FAM228B: variants seen among roughly 807,000 people sequenced by gnomAD.
FAM228B encodes the protein family with sequence similarity 228 member B.
Under a neutral mutation model 42.6 loss-of-function variants are expected in FAM228B, and 38 were observed. That is an observed-to-expected ratio of 0.89 (90% CI 0.69 to 1.17). FAM228B has a LOEUF of 1.17. Among genes scored for constraint, FAM228B ranks in the 50% most tolerant of loss-of-function variants. The pLI is 0.00. For synonymous variants in FAM228B, 109 were observed against 122.3 expected, an observed-to-expected ratio of 0.89 and a Z score of 0.72; for missense variants, 344 against 367.3, an observed-to-expected ratio of 0.94 and a Z score of 0.52.
At chr2:24,078,250 T>G (rs1440962657) in intron 1 of FAM228B, among the ~76,000 whole-genome samples, 1 of 152,196 alleles carries the variant, frequency 6.6e-6, no homozygotes, top group Non-Finnish European at 1.5e-5. Context: ...AGATTTTGTC[T>G]TATTTCTTCT....
chr2:24,096,650 A>G (rs1256052921), intron 3 of FAM228B: 4 of 152,240 alleles, frequency 2.6e-5, no homozygotes, highest in African/African-American at 9.6e-5. Context: ...GACCAAATCT[A>G]TGTTTGATTG....
chr2:24,148,804 A>G (rs1666955013), intron 7 of FAM228B, among the ~76,000 whole-genome samples: 1 of 152,174 alleles, frequency 6.6e-6, no homozygotes, highest in Non-Finnish European at 1.5e-5. Flanking sequence ...GTGCTATCAT[A>G]TACGAGGTCT....
intron 3 of FAM228B, among the ~76,000 whole-genome samples, chr2:24,118,406 C>T (rs988644071): frequency 6.6e-6 from 1 of 152,220 alleles, no homozygotes; most frequent in African/African-American, 2.4e-5. Flanking sequence ...TCTCTGGCGC[C>T]TTCCCTGACT....
rs531519795 is a variant in FAM228B, at chr2:24,102,597, G to A, written c.-121+7368G>A. ...TATTAGAAGTACAAAAATTAGCTGG[G>A]TATGGTGGCAGGTGCCTGTAGTCCC... On this transcript the variant is annotated intron_variant, in intron 3 of 10. Transcript: ENST00000613899. 8.5e-5 allele frequency among the ~76,000 whole-genome samples: 13 copies of A among 152,286 alleles called. No homozygotes were observed. In the South Asian group the frequency reaches 2.3e-3, roughly 27 times the overall value.
chr2:24,122,110 T>A (rs1666136029), upstream of FAM228B, among the ~76,000 whole-genome samples: 1 of 152,118 alleles, frequency 6.6e-6, no homozygotes, highest in Admixed American at 6.5e-5. Flanking sequence ...GGCAGGTGGA[T>A]CACCTGAGGT....
chr2:24,077,632 A>G lies in FAM228B; in HGVS notation c.-290+663A>G. 1.2e-6 allele frequency: 2 copies of G among 1,613,692 alleles called. No individual in the cohort carries two copies. The highest frequency in any genetic ancestry group is 1.7e-6 in the Non-Finnish European group (2 of 1,179,810). On this transcript the variant is annotated intron_variant, in intron 1 of 10. Coordinates refer to the FAM228B transcript ENST00000613899. The surrounding 1 kb of genome is among the most constrained non-coding windows in gnomAD (Gnocchi z 5.5). ...CCTATGTTCTTGTTGGCCTCCATGT[A>G]CTTATGGGCCTCCTGGATTTCGGTC...
chr2:24,095,995 G>A lies in FAM228B; in HGVS notation c.-121+766G>A, dbSNP rs1254625342. ...GGTGATACCCAGGAAAACAGGGTCT[G>A]GGGTGGACCTCCAGCAAACTCCAAC... On this transcript the variant is annotated intron_variant, in intron 3 of 10. Coordinates refer to the FAM228B transcript ENST00000613899. This position sits in a 1 kb window ranked among gnomAD's most constrained non-coding sequence, Gnocchi z 4.8. The A allele has an allele frequency of 6.6e-6, 1 of 152,388 alleles. No homozygotes were observed. Among genetic ancestry groups the A allele is most frequent in the Non-Finnish European group, 1.5e-5 (1 of 68,180 alleles). The allele number at this position is 152,388 out of a possible 1,614,324, so 9.4% of individuals were successfully genotyped here.
chr2:24,096,173 G>A (rs1043631818), intron 3 of FAM228B: 6 of 152,176 alleles, frequency 3.9e-5, no homozygotes, highest in Non-Finnish European at 8.8e-5. Context: ...CAAAGATGGG[G>A]AGAAACCAGA....
At chr2:24,140,313 A>G (rs1426376238) in intron 5 of FAM228B, among the ~76,000 whole-genome samples, 1 of 152,126 alleles carries the variant, frequency 6.6e-6, no homozygotes, top group Non-Finnish European at 1.5e-5. Context: ...AGTAGCTGTG[A>G]TTACAGGCGT....
At chr2:24,119,662 G>C, upstream of FAM228B, 1 of 1,611,630 alleles carries the variant, frequency 6.2e-7, no homozygotes, top group Middle Eastern at 1.7e-4. Flanking sequence ...GGGTCTTCAC[G>C]ACAACCACAC....
At chr2:24,111,226 A>G (rs911094296) in intron 3 of FAM228B, among the ~76,000 whole-genome samples, 2 of 152,032 alleles carry the variant, frequency 1.3e-5, no homozygotes, top group African/African-American at 4.8e-5. Context: ...ATGCCCAGCT[A>G]TTTTTGCATT....
At chr2:24,098,743 A>C (rs570245922) in intron 3 of FAM228B, among the ~76,000 whole-genome samples, 1 of 152,246 alleles carries the variant, frequency 6.6e-6, no homozygotes, top group Non-Finnish European at 1.5e-5. Context: ...AACTATTCCA[A>C]TCAATAGAAA....
rs1261610017 is a variant in FAM228B, at chr2:24,084,189, C to T, written c.-210+3234C>T. On this transcript the variant is annotated intron_variant, in intron 2 of 10. Coordinates refer to the FAM228B transcript ENST00000613899. The surrounding 1 kb of genome is among the most constrained non-coding windows in gnomAD (Gnocchi z 8.4). ...CCCGGCGCGGCTGAGCCCTGGGTAC[C>T]TGCATTAAGTCCGCCCGGTTCAGGG... is the stretch of plus-strand genomic sequence containing the variant. 2 of 1,611,212 alleles carry T rather than the reference C, an allele frequency of 1.2e-6. No homozygotes were observed. The highest frequency in any genetic ancestry group is 1.7e-6 in the Non-Finnish European group (2 of 1,179,084).
rs1481243030 is a variant in FAM228B, at chr2:24,084,564, C to T, written c.-210+3609C>T. On this transcript the variant is annotated intron_variant, in intron 2 of 10. Transcript: ENST00000613899. The surrounding 1 kb of genome is among the most constrained non-coding windows in gnomAD (Gnocchi z 8.4). The stretch of plus-strand genomic sequence containing the variant: ...GGGAAGTCCTCGGCCGCCTCCAGAC[C>T]GATCCCACCCGGAACACAGATGGGA... 2.1e-5 allele frequency: 10 copies of T among 474,414 alleles called. No homozygotes were observed. In the East Asian group the frequency reaches 3.6e-4, roughly 17 times the overall value. The allele number at this position is 474,414 out of a possible 1,614,324, so 29.4% of individuals were successfully genotyped here.
chr2:24,128,051 C>T (rs568951319), intron 2 of FAM228B, among the ~76,000 whole-genome samples: 1 of 152,292 alleles, frequency 6.6e-6, no homozygotes, highest in South Asian at 2.1e-4. Flanking sequence ...TCCTGTAGCT[C>T]ACTGATATTC....
chr2:24,102,556 G>T (rs1368565257), intron 3 of FAM228B, among the ~76,000 whole-genome samples: 1 of 152,122 alleles, frequency 6.6e-6, no homozygotes, highest in African/African-American at 2.4e-5. Flanking sequence ...TGGCTAACAT[G>T]GCAAAACCCT....
chr2:24,111,308 C>G lies in FAM228B; in HGVS notation c.-121+16079C>G, dbSNP rs186730979. 5.3e-3 allele frequency among the ~76,000 whole-genome samples: 801 copies of G among 152,338 alleles called. 3 individuals are homozygous for G. The highest frequency in any genetic ancestry group is 0.034 in the Middle Eastern group (10 of 294). On this transcript the variant is annotated intron_variant, in intron 3 of 10. Coordinates refer to the FAM228B transcript ENST00000613899. Reference sequence around the variant, plus strand: ...CTCCTGGGCTCAGGCAATCCACCTGCTTTAGCCTCCCGAGTGCTGGGATTA... The same window carrying G: ...CTCCTGGGCTCAGGCAATCCACCTGGTTTAGCCTCCCGAGTGCTGGGATTA...
At chr2:24,082,091 G>T (rs1428515867) in intron 2 of FAM228B, among the ~76,000 whole-genome samples, 1 of 152,118 alleles carries the variant, frequency 6.6e-6, no homozygotes, top group Non-Finnish European at 1.5e-5. Flanking sequence ...ACCTTCCTGG[G>T]CTCAGGTGAT....
chr2:24,152,677 T>C (rs1667051835), intron 7 of FAM228B, among the ~76,000 whole-genome samples: 1 of 152,206 alleles, frequency 6.6e-6, no homozygotes, highest in Non-Finnish European at 1.5e-5. Flanking sequence ...GGTGTCATGA[T>C]GCAAGCACCC....
Sources: allele counts gnomAD v4.1 joint callset (sites outside exome capture counted in the v4.1 genomes callset), GRCh38; gene constraint gnomAD v4.1.1; non-coding constraint Gnocchi (gnomAD v3.1); transcripts MANE v1.5; gene names NCBI Gene and HGNC (gene_info 2026-07-23, HGNC 2026-07-21).